L3MBTL4: variants seen among roughly 807,000 people sequenced by gnomAD.
L3MBTL4 encodes the protein lethal(3)malignant brain tumor-like protein 4.
L3MBTL4 carries 70 observed loss-of-function variants against 84.5 expected under a neutral mutation model. That is an observed-to-expected ratio of 0.83 (90% CI 0.68 to 1.01). The LOEUF is 1.01. Among genes scored for constraint, L3MBTL4 ranks in the 50% least tolerant of loss-of-function variants. L3MBTL4 has a pLI of 0.00. For missense variants in L3MBTL4, 715 were observed against 754.8 expected, an observed-to-expected ratio of 0.95 and a Z score of 0.62; for synonymous variants, 274 against 259.8, an observed-to-expected ratio of 1.05 and a Z score of -0.52.
intron 13 of L3MBTL4, 53 bp downstream of exon 13, chr18:6,171,775 C>A: frequency 9.3e-7 from 1 of 1,071,630 alleles, no homozygotes. Flanking sequence ...AACATTACGG[C>A]TGGAAATCAG....
intron 16 of L3MBTL4, among the ~76,000 whole-genome samples, chr18:5,982,576 G>A (rs1218000317): frequency 6.6e-6 from 1 of 152,190 alleles, no homozygotes; most frequent in Non-Finnish European, 1.5e-5. Flanking sequence ...AGAGGTCATG[G>A]AAAATGCCCC....
chr18:6,327,369 A>T (rs146611309), intron 1 of L3MBTL4, among the ~76,000 whole-genome samples: 1 of 152,316 alleles, frequency 6.6e-6, no homozygotes, highest in African/African-American at 2.4e-5. Flanking sequence ...CCAAACACCC[A>T]TCAGTAGGAA....
At chr18:5,988,905 C>T (rs1265286881) in intron 16 of L3MBTL4, among the ~76,000 whole-genome samples, 8 of 152,166 alleles carry the variant, frequency 5.3e-5, no homozygotes, top group African/African-American at 1.9e-4. Flanking sequence ...TTGTCCTTAC[C>T]ACCAGTTCAT....
In L3MBTL4 at chr18:6,263,991, T is replaced by G; in HGVS notation, c.175A>C (p.Lys59Gln). Residue 59 changes from lysine (K) to glutamine (Q), a missense_variant, in exon 5 of 19, where the codon AAA becomes CAA. By Grantham distance (53) the Lys-to-Gln change is moderately conservative (BLOSUM62 1). Transcript: ENST00000317931. ...GGTGCTGCGACAGCCTTCTGTTCTT[T>G]CAAGTACCACTCCCAAGACCATGCT... ...QGAWSWEWYL[K>Q]EQKAVAAPVE... 2 of 1,614,126 alleles carry G rather than the reference T, an allele frequency of 1.2e-6. No individual in the cohort carries two copies. Among genetic ancestry groups the G allele is most frequent in the Non-Finnish European group, 8.5e-7 (1 of 1,179,948 alleles).
At chr18:6,126,299 T>A (rs1210358001) in intron 14 of L3MBTL4, among the ~76,000 whole-genome samples, 1 of 152,220 alleles carries the variant, frequency 6.6e-6, no homozygotes, top group African/African-American at 2.4e-5. Flanking sequence ...AAATAATGTA[T>A]AATTGCAATA....
At chr18:6,323,708 C>A (rs2051551284) in intron 1 of L3MBTL4, among the ~76,000 whole-genome samples, 2 of 152,076 alleles carry the variant, frequency 1.3e-5, no homozygotes, top group Non-Finnish European at 1.5e-5. Flanking sequence ...AAAGATATGA[C>A]CTGAAATTGG....
chr18:6,186,015 T>G (rs2044741711), intron 12 of L3MBTL4, among the ~76,000 whole-genome samples: 1 of 150,218 alleles, frequency 6.7e-6, no homozygotes, highest in African/African-American at 2.5e-5. Context: ...TTTTATTTTA[T>G]TTTATTTTAT....
chr18:6,396,517 G>A (rs56910734), intron 1 of L3MBTL4: 22,628 of 152,282 alleles, frequency 0.15, 2,072 homozygotes, highest in East Asian at 0.27. Context: ...AGGTTCAAGA[G>A]GGTATGGATT....
At chr18:6,308,927 T>C (rs553638143) in intron 3 of L3MBTL4, among the ~76,000 whole-genome samples, 1 of 146,760 alleles carries the variant, frequency 6.8e-6, no homozygotes, top group South Asian at 2.1e-4. Context: ...CTGAAAAGCA[T>C]AAGAAAATAT....
chr18:6,332,216 G>A (rs1478251098), intron 1 of L3MBTL4, among the ~76,000 whole-genome samples: 1 of 152,172 alleles, frequency 6.6e-6, no homozygotes, highest in Non-Finnish European at 1.5e-5. Flanking sequence ...TCAGAGCTGA[G>A]GTAAGGATCT....
chr18:6,290,780 G>A (rs1465620987), intron 4 of L3MBTL4, among the ~76,000 whole-genome samples: 3 of 151,772 alleles, frequency 2.0e-5, no homozygotes, highest in Non-Finnish European at 4.4e-5. Flanking sequence ...CACCCGTCTC[G>A]GCCTCCCAAA....
chr18:6,272,101 G>A (rs1568417464), intron 4 of L3MBTL4, among the ~76,000 whole-genome samples: 2 of 152,196 alleles, frequency 1.3e-5, no homozygotes, highest in Non-Finnish European at 2.9e-5. Flanking sequence ...GGACGTCTCA[G>A]TTCTTCCGTT....
intron 16 of L3MBTL4, chr18:6,029,666 T>C (rs1284299144): frequency 1.0e-6 from 1 of 985,156 alleles, no homozygotes; most frequent in African/African-American, 1.7e-5. Context: ...AATATTTGAG[T>C]ATGGGAACAG....
rs1216629091 is a variant in L3MBTL4 at position 6,185,999 on chromosome 18, T to TTTA, written c.982-14060_982-14058dup. Among the ~76,000 whole-genome samples, 54 of 128,536 alleles carry TTTA rather than the reference T, an allele frequency of 4.2e-4. 1 individual carries two copies. Among genetic ancestry groups the TTTA allele is most frequent in the African/African-American group, 1.7e-3 (42 of 25,246 alleles). The allele number at this position is 128,536 out of a possible 152,430, so 84.3% of individuals were successfully genotyped here. A position where few individuals can be genotyped will look rare whatever the true frequency, so the allele number is the denominator to read the frequency against. ...ATTTTATTTTATTTTATTTTATTAT[T>TTTA]TTATATTTTATTTTATTTTATTTTA... On this transcript the variant is annotated intron_variant, in intron 12 of 18. Coordinates refer to ENST00000317931, the MANE Select transcript of L3MBTL4 (RefSeq NM_001330559.2).
intron 1 of L3MBTL4, among the ~76,000 whole-genome samples, chr18:6,385,871 CTCAG>C (rs2054796195): frequency 6.6e-6 from 1 of 152,142 alleles, no homozygotes; most frequent in African/African-American, 2.4e-5. Flanking sequence ...CAAAATCTCC[CTCAG>C]TCAATCAAAA....
chr18:6,139,637 G>A (rs2060135705), intron 13 of L3MBTL4, among the ~76,000 whole-genome samples: 1 of 151,886 alleles, frequency 6.6e-6, no homozygotes, highest in African/African-American at 2.4e-5. Flanking sequence ...TCCCCTCCCA[G>A]CTCTCAGACT....
chr18:6,316,608 C>G (rs539101383), intron 1 of L3MBTL4, among the ~76,000 whole-genome samples: 1 of 152,162 alleles, frequency 6.6e-6, no homozygotes, highest in African/African-American at 2.4e-5. Flanking sequence ...AGCATCCTCA[C>G]ATTAGGAGTG....
chr18:6,215,696 G>T, intron 11 of L3MBTL4, 54 bp downstream of exon 11: 2 of 931,546 alleles, frequency 2.1e-6, no homozygotes, highest in South Asian at 1.9e-5. Context: ...ATGTAGGCAT[G>T]ACTCAATACA....
chr18:6,268,173 A>C (rs2048716163), intron 4 of L3MBTL4, among the ~76,000 whole-genome samples: 1 of 152,314 alleles, frequency 6.6e-6, no homozygotes, highest in Admixed American at 6.5e-5. Context: ...TGGGAGGCCA[A>C]GGCGGTTGAA....
Sources: allele counts gnomAD v4.1 joint callset (sites outside exome capture counted in the v4.1 genomes callset), GRCh38; gene constraint gnomAD v4.1.1; transcripts MANE v1.5; gene names NCBI Gene and HGNC (gene_info 2026-07-23, HGNC 2026-07-21).